Variants in CSMD1 observed in about 807,000 individuals in gnomAD.
The protein encoded by CSMD1 is CUB and sushi domain-containing protein 1.
In CSMD1, 213 loss-of-function variants were observed where a neutral mutation model predicts 417.5. That is an observed-to-expected ratio of 0.51 (90% CI 0.46 to 0.57). The LOEUF is 0.57. Ranked by LOEUF, CSMD1 falls within the 20% of genes least tolerant of loss-of-function variation. The pLI is 0.00. For missense variants in CSMD1, 6,923 were observed against 4,529.7 expected (o/e 1.53, Z -15.17); for synonymous variants, 2,862 against 1,736.8 (o/e 1.65, Z -16.11).
chr8:3,675,452 A>C (rs1287063685), intron 7 of CSMD1, among the ~76,000 whole-genome samples: 1 of 152,166 alleles, frequency 6.6e-6, no homozygotes, highest in African/African-American at 2.4e-5. Flanking sequence ...CCAAAAATCC[A>C]AGAGAAGGTG....
chr8:4,105,881 C>T (rs1585323867), intron 3 of CSMD1, among the ~76,000 whole-genome samples: 1 of 152,226 alleles, frequency 6.6e-6, no homozygotes, highest in African/African-American at 2.4e-5. Context: ...AGACAGGACA[C>T]AGCTCGGCTC....
chr8:3,584,948 G>T (rs138021490), intron 9 of CSMD1, among the ~76,000 whole-genome samples: 1 of 152,154 alleles, frequency 6.6e-6, no homozygotes, highest in Non-Finnish European at 1.5e-5. Flanking sequence ...CACAATCAAA[G>T]TTGTCTAGTG....
At chr8:3,873,621 G>A (rs1382955555) in intron 5 of CSMD1, among the ~76,000 whole-genome samples, 4 of 152,120 alleles carry the variant, frequency 2.6e-5, no homozygotes, top group African/African-American at 7.2e-5. Context: ...TAATACCTGA[G>A]TGGTGAAATA....
chr8:4,820,416 C>T (rs1799456382), intron 1 of CSMD1, among the ~76,000 whole-genome samples: 1 of 152,112 alleles, frequency 6.6e-6, no homozygotes, highest in Non-Finnish European at 1.5e-5. Flanking sequence ...TTAAAATATA[C>T]ACGAGAGCAA....
intron 10 of CSMD1, among the ~76,000 whole-genome samples, chr8:3,522,257 A>G (rs115175538): frequency 0.011 from 1,689 of 152,328 alleles, 24 homozygotes; most frequent in African/African-American, 0.038. Flanking sequence ...TTTGAAAACA[A>G]TAATTTCCAT....
At chr8:3,947,754 T>C (rs904195986) in intron 5 of CSMD1, among the ~76,000 whole-genome samples, 3 of 152,184 alleles carry the variant, frequency 2.0e-5, no homozygotes, top group Non-Finnish European at 4.4e-5. Context: ...TCTTAGTGAA[T>C]GTTCCATGTG....
chr8:3,494,644 G>A (rs947318997), intron 10 of CSMD1, among the ~76,000 whole-genome samples: 3 of 152,128 alleles, frequency 2.0e-5, no homozygotes, highest in Middle Eastern at 3.4e-3. Context: ...CTGGATGGAT[G>A]GATGGGTGGA....
At chr8:4,386,901 G>C (rs577776575) in intron 3 of CSMD1, among the ~76,000 whole-genome samples, 1 of 152,196 alleles carries the variant, frequency 6.6e-6, no homozygotes, top group African/African-American at 2.4e-5. Flanking sequence ...ATCATGAATA[G>C]TTAAAAGGAA....
intron 26 of CSMD1, among the ~76,000 whole-genome samples, chr8:3,263,150 G>C (rs1013602969): frequency 6.6e-6 from 1 of 152,128 alleles, no homozygotes; most frequent in African/African-American, 2.4e-5. Flanking sequence ...CCAGGCTGGA[G>C]TGCAGTGGCA....
intron 3 of CSMD1, among the ~76,000 whole-genome samples, chr8:4,247,187 T>A (rs2128827734): frequency 6.6e-6 from 1 of 152,300 alleles, no homozygotes. Flanking sequence ...ATAACACAGT[T>A]TGCATAGCAT....
intron 1 of CSMD1, among the ~76,000 whole-genome samples, chr8:4,733,864 C>A (rs73661103): frequency 6.6e-6 from 1 of 152,090 alleles, no homozygotes; most frequent in Non-Finnish European, 1.5e-5. Flanking sequence ...CAATTTATTT[C>A]TATTTCTGAA....
chr8:3,785,427 G>A (rs1205316366), intron 5 of CSMD1, among the ~76,000 whole-genome samples: 2 of 152,182 alleles, frequency 1.3e-5, no homozygotes, highest in African/African-American at 4.8e-5. Context: ...CTAAGCAGCT[G>A]GGACCCAGCA....
rs140151419 is a variant in CSMD1, at chr8:3,957,215, G to A, written c.818+40688C>T. ...ACTAAAACATTTCTCAAAATGAGAA[G>A]ACAGAAATATAGGAGCAAAGACAGT... On this transcript the variant is annotated intron_variant, in intron 5 of 69. Coordinates refer to ENST00000635120, the MANE Select transcript of CSMD1 (RefSeq NM_033225.6). Among the ~76,000 whole-genome samples the A allele has an allele frequency of 7.0e-4, 106 of 152,270 alleles. 1 individual carries two copies. The East Asian group carries it at 0.018, about 25-fold the overall frequency.
rs61009896 is a variant in CSMD1 at position 4,759,168 on chromosome 8, A to C, written c.86-121610T>G. Among the ~76,000 whole-genome samples, 947 of 152,286 alleles carry C rather than the reference A, an allele frequency of 6.2e-3. 9 individuals carry two copies. Among genetic ancestry groups the C allele is most frequent in the African/African-American group, 0.022 (916 of 41,562 alleles). ...TTTGTAAAGGCCTCAGCCTGCCTGC[A>C]GCTATAATTCTTGTTAGTGTTGTCT... On this transcript the variant is annotated intron_variant, in intron 1 of 69. Transcript: ENST00000635120.
intron 1 of CSMD1, among the ~76,000 whole-genome samples, chr8:4,716,337 A>C (rs115082696): frequency 2.0e-3 from 300 of 152,346 alleles, no homozygotes; most frequent in African/African-American, 7.0e-3. Context: ...TGTCTTCTTC[A>C]AGAGAAAACA....
intron 30 of CSMD1, among the ~76,000 whole-genome samples, chr8:3,210,052 A>G (rs1406228429): frequency 6.6e-6 from 1 of 152,212 alleles, no homozygotes; most frequent in East Asian, 1.9e-4. Flanking sequence ...CCACGCATCT[A>G]AAACAAACTG....
intron 10 of CSMD1, among the ~76,000 whole-genome samples, chr8:3,502,328 G>A (rs1796637629): frequency 1.4e-5 from 2 of 140,468 alleles, no homozygotes; most frequent in East Asian, 2.1e-4. Flanking sequence ...TCGCGCCACT[G>A]CACTGCAGCC....
At chr8:3,646,533 G>A (rs1563230272) in intron 7 of CSMD1, among the ~76,000 whole-genome samples, 1 of 152,094 alleles carries the variant, frequency 6.6e-6, no homozygotes, top group Non-Finnish European at 1.5e-5. Context: ...GCATTCCAAG[G>A]GAAAGGACCA....
chr8:2,979,047 A>G (rs1474142040), intron 54 of CSMD1, among the ~76,000 whole-genome samples: 1 of 152,142 alleles, frequency 6.6e-6, no homozygotes, highest in African/African-American at 2.4e-5. Context: ...TCTATTTCCT[A>G]GTAATGTTTA....
Sources: allele counts gnomAD v4.1 joint callset (sites outside exome capture counted in the v4.1 genomes callset), GRCh38; gene constraint gnomAD v4.1.1; transcripts MANE v1.5; gene names NCBI Gene and HGNC (gene_info 2026-07-23, HGNC 2026-07-21).